Variants in SLC44A5 observed in about 807,000 individuals in gnomAD.
The protein encoded by SLC44A5 is solute carrier family 44 member 5, also known as choline transporter-like protein 5.
A neutral mutation model predicts 101.8 loss-of-function variants in SLC44A5; 57 were observed. The observed-to-expected ratio is 0.56, with a 90% CI of 0.45 to 0.70. The LOEUF is 0.70. Ranked by LOEUF, SLC44A5 falls within the 30% of genes least tolerant of loss-of-function variation. The pLI, the probability that SLC44A5 is intolerant of heterozygous loss-of-function variation, is 0.00. For synonymous variants in SLC44A5, 281 were observed against 290.9 expected (o/e 0.97, Z 0.35); for missense variants, 737 against 853.1 (o/e 0.86, Z 1.70).
intron 1 of SLC44A5, among the ~76,000 whole-genome samples, chr1:75,568,563 C>T (rs1244284030): frequency 6.6e-6 from 1 of 152,100 alleles, no homozygotes; most frequent in Non-Finnish European, 1.5e-5. Context: ...TGAACTTGTC[C>T]TTTGAATTTT....
Position 75,607,792 on chromosome 1 carries a change from T to C in SLC44A5, c.-70+3248A>G, listed in dbSNP as rs1213393537. Among the ~76,000 whole-genome samples the C allele has an allele frequency of 2.0e-4, 31 of 152,030 alleles. 2 individuals carry two copies. Among genetic ancestry groups the C allele is most frequent in the Admixed American group, 2.0e-3 (31 of 15,248 alleles). ...GTGACTTTGTTCCTCATTCACCTTCTGCCATGATGGTGAGGCCTCACCAGC... is the reference window on the plus strand; with the variant it reads ...GTGACTTTGTTCCTCATTCACCTTCCGCCATGATGGTGAGGCCTCACCAGC... On this transcript the variant is annotated intron_variant, in intron 1 of 23. Transcript: ENST00000370859.
At chr1:75,482,540 T>C (rs1008201406) in intron 2 of SLC44A5, among the ~76,000 whole-genome samples, 1 of 152,202 alleles carries the variant, frequency 6.6e-6, no homozygotes, top group African/African-American at 2.4e-5. Context: ...GCACACACTA[T>C]ATTAGCTGCA....
At chr1:75,653,581 G>A in the SLC44A5 span, among the ~76,000 whole-genome samples, 13 of 152,240 alleles carry the variant, frequency 8.5e-5, no homozygotes, top group Admixed American at 6.5e-4. Context: ...TTAAGCTAAA[G>A]GAGATAATCT....
intron 1 of SLC44A5, among the ~76,000 whole-genome samples, chr1:75,555,330 G>A (rs1672158869): frequency 6.6e-6 from 1 of 152,108 alleles, no homozygotes. Context: ...AGATGAAAAT[G>A]TTCTATATCT....
At chr1:75,504,978 T>C (rs571733832) in intron 2 of SLC44A5, among the ~76,000 whole-genome samples, 1 of 152,210 alleles carries the variant, frequency 6.6e-6, no homozygotes, top group South Asian at 2.1e-4. Flanking sequence ...TAGAGTGGTT[T>C]TTCAGCTCTT....
Position 75,482,539 on chromosome 1 carries a change from A to G in SLC44A5, c.13+58896T>C, listed in dbSNP as rs1334965312. 3.3e-5 allele frequency among the ~76,000 whole-genome samples: 5 copies of G among 152,298 alleles called. No homozygotes were observed. The South Asian group carries it at 6.2e-4, about 19-fold the overall frequency. On this transcript the variant is annotated intron_variant, in intron 2 of 23. Transcript: ENST00000370859. The stretch of plus-strand genomic sequence containing the variant: ...TGTGCATGTGTATATGGCACACACT[A>G]TATTAGCTGCAACAGTCTCTGATGT...
chr1:75,495,262 T>G (rs1302524813), intron 2 of SLC44A5, among the ~76,000 whole-genome samples: 1 of 152,108 alleles, frequency 6.6e-6, no homozygotes, highest in Non-Finnish European at 1.5e-5. Context: ...GAGATCATCC[T>G]GGCTAACATG....
chr1:75,274,752 A>G (rs1338288391), intron 6 of SLC44A5, among the ~76,000 whole-genome samples: 1 of 152,222 alleles, frequency 6.6e-6, no homozygotes, highest in African/African-American at 2.4e-5. Flanking sequence ...TTCTAATAAA[A>G]TGCTGCATAA....
intron 2 of SLC44A5, among the ~76,000 whole-genome samples, chr1:75,444,460 AG>A (rs1665405053): frequency 6.9e-6 from 1 of 145,972 alleles, no homozygotes; most frequent in South Asian, 2.2e-4. Flanking sequence ...AGAAAGAAAA[AG>A]AAAAAAAGAA....
At chr1:75,404,557 A>G (rs1163800407) in intron 2 of SLC44A5, among the ~76,000 whole-genome samples, 3 of 152,202 alleles carry the variant, frequency 2.0e-5, no homozygotes, top group Non-Finnish European at 4.4e-5. Flanking sequence ...ATTCTTAAAG[A>G]AAAGAATTTT....
the SLC44A5 span, among the ~76,000 whole-genome samples, chr1:75,657,405 C>A: frequency 6.6e-6 from 1 of 151,606 alleles, no homozygotes; most frequent in Non-Finnish European, 1.5e-5. Flanking sequence ...AAAAATTAGC[C>A]AGGTATAGTG....
At chr1:75,583,034 T>G (rs1393897939) in intron 1 of SLC44A5, among the ~76,000 whole-genome samples, 5 of 152,202 alleles carry the variant, frequency 3.3e-5, no homozygotes, top group African/African-American at 1.2e-4. Context: ...CATCCAGTAT[T>G]AAAAAGTTCA....
At position 75,456,925 on chromosome 1, in the gene SLC44A5, C is replaced by T. The variant is rs941299045; in HGVS notation, c.14-60304G>A. Among the ~76,000 whole-genome samples, 10 of 152,256 alleles carry T rather than the reference C, an allele frequency of 6.6e-5. No homozygotes were observed. The Middle Eastern group carries it at 0.01, about 155-fold the overall frequency. ...AATATTACCAAAAGAAAACTATCTA[C>T]GGACATCCCCAATAGGTCCACACAT... is the stretch of plus-strand genomic sequence containing the variant. On this transcript the variant is annotated intron_variant, in intron 2 of 23. Transcript: ENST00000370859.
At chr1:75,694,292 T>C in the SLC44A5 span, among the ~76,000 whole-genome samples, 1 of 149,626 alleles carries the variant, frequency 6.7e-6, no homozygotes, top group Non-Finnish European at 1.5e-5. Flanking sequence ...TAGATCCTAG[T>C]AGGTAGAAAG....
At chr1:75,670,448 T>C in the SLC44A5 span, among the ~76,000 whole-genome samples, 1 of 152,178 alleles carries the variant, frequency 6.6e-6, no homozygotes, top group African/African-American at 2.4e-5. Flanking sequence ...TTTTTTGCAA[T>C]TCTAAATGCT....
intron 2 of SLC44A5, among the ~76,000 whole-genome samples, chr1:75,526,477 C>T (rs372715631): frequency 4.7e-4 from 71 of 152,264 alleles, no homozygotes; most frequent in African/African-American, 1.4e-3. Flanking sequence ...CTACCCTTAT[C>T]GCAGAGGCCC....
chr1:75,583,087 A>C (rs211677), intron 1 of SLC44A5, among the ~76,000 whole-genome samples: 1 of 152,120 alleles, frequency 6.6e-6, no homozygotes, highest in South Asian at 2.1e-4. Context: ...TTGATTTGGA[A>C]CGTCCCCTCC....
At chr1:75,619,045 G>C in the SLC44A5 span, among the ~76,000 whole-genome samples, 1 of 138,362 alleles carries the variant, frequency 7.2e-6, no homozygotes, top group East Asian at 2.4e-4. Flanking sequence ...ACTCCAGTCT[G>C]GGCAACAAGA....
intron 2 of SLC44A5, among the ~76,000 whole-genome samples, chr1:75,528,949 T>C (rs1670574705): frequency 6.6e-6 from 1 of 152,170 alleles, no homozygotes; most frequent in African/African-American, 2.4e-5. Context: ...CAAGTAAAAA[T>C]TAAGCAACTC....
Sources: allele counts gnomAD v4.1 joint callset (sites outside exome capture counted in the v4.1 genomes callset), GRCh38; gene constraint gnomAD v4.1.1; transcripts MANE v1.5; gene names NCBI Gene and HGNC (gene_info 2026-07-23, HGNC 2026-07-21).